RAB30: variants seen among roughly 807,000 people sequenced by gnomAD.
RAB30 encodes ras-related protein Rab-30.
RAB30 carries 9 observed loss-of-function variants against 25.1 expected under a neutral mutation model. The ratio of observed to expected loss-of-function variants is 0.36; its 90% CI spans 0.22 to 0.63. The LOEUF (loss-of-function observed/expected upper bound fraction) is 0.63. RAB30 is among the 20% of genes least tolerant of loss of function. The pLI, the probability that RAB30 is intolerant of heterozygous loss-of-function variation, is 0.69. For synonymous variants in RAB30, 77 were observed against 86.4 expected (o/e 0.89, Z 0.60); for missense variants, 140 against 243.5 (o/e 0.58, Z 2.83).
intron 2 of RAB30, among the ~76,000 whole-genome samples, chr11:82,994,688 G>A (rs567640740): frequency 1.8e-4 from 27 of 152,320 alleles, no homozygotes; most frequent in African/African-American, 6.5e-4. Flanking sequence ...TGGATCTCCT[G>A]AAGCTTCTGA....
At chr11:82,989,968 A>T (rs561972280) in intron 3 of RAB30, among the ~76,000 whole-genome samples, 1 of 152,378 alleles carries the variant, frequency 6.6e-6, no homozygotes, top group African/African-American at 2.4e-5. Flanking sequence ...AATAAAATCA[A>T]CGCTGATTTC....
intron 1 of RAB30, among the ~76,000 whole-genome samples, chr11:83,059,733 T>C (rs779222009): frequency 1.3e-5 from 2 of 152,314 alleles, no homozygotes; most frequent in Non-Finnish European, 1.5e-5. Flanking sequence ...CTCGCCTACT[T>C]TATCAGATTG....
At chr11:83,006,086 C>A (rs1197496574) in intron 1 of RAB30, among the ~76,000 whole-genome samples, 1 of 152,070 alleles carries the variant, frequency 6.6e-6, no homozygotes, top group Non-Finnish European at 1.5e-5. Context: ...TTATCCTGTA[C>A]TGGTGACACT....
Position 82,982,017 on chromosome 11 carries a change from C to T in RAB30, c.*148G>A, listed in dbSNP as rs1347171936. ...TGCTAATGCTGGCCTGTGGTCGAGG[C>T]CCTTGGCCTGCCATGCTTTGTAAGC... is the stretch of plus-strand genomic sequence containing the variant. On this transcript the variant is annotated 3_prime_UTR_variant, in exon 5 of 5. Transcript: ENST00000527633. The T allele has an allele frequency of 2.8e-6, 3 of 1,065,468 alleles. No homozygotes were observed. The East Asian group carries it at 7.2e-5, about 25-fold the overall frequency. The allele number at this position is 1,065,468 out of a possible 1,614,324, so 66.0% of individuals were successfully genotyped here. A position where few individuals can be genotyped will look rare whatever the true frequency, so the allele number is the denominator to read the frequency against.
intron 1 of RAB30, among the ~76,000 whole-genome samples, chr11:83,059,014 C>T (rs1413548363): frequency 6.6e-6 from 1 of 152,232 alleles, no homozygotes; most frequent in African/African-American, 2.4e-5. Flanking sequence ...ACGATCTTGG[C>T]TCACTGCAAC....
At chr11:82,991,849 G>A (rs1856857414) in intron 3 of RAB30, among the ~76,000 whole-genome samples, 1 of 152,196 alleles carries the variant, frequency 6.6e-6, no homozygotes, top group African/African-American at 2.4e-5. Flanking sequence ...TGGCCTTATG[G>A]TGGAGTCAGA....
chr11:83,015,374 G>T (rs1334996836), intron 1 of RAB30, among the ~76,000 whole-genome samples: 2 of 152,026 alleles, frequency 1.3e-5, no homozygotes, highest in Non-Finnish European at 2.9e-5. Context: ...GAAAGAGGAT[G>T]GGAAAGAAAG....
chr11:83,037,633 G>A (rs1858014827), intron 1 of RAB30, among the ~76,000 whole-genome samples: 1 of 152,148 alleles, frequency 6.6e-6, no homozygotes, highest in African/African-American at 2.4e-5. Flanking sequence ...TGGGTTTCTA[G>A]CTTGAACAAC....
At chr11:82,992,658 G>T (rs1486528747) in intron 3 of RAB30, among the ~76,000 whole-genome samples, 18 of 151,648 alleles carry the variant, frequency 1.2e-4, no homozygotes, top group African/African-American at 4.1e-4. Context: ...GCTGCTGATA[G>T]CTGGGCTATC....
intron 1 of RAB30, among the ~76,000 whole-genome samples, chr11:83,055,004 C>G (rs1180345514): frequency 6.6e-6 from 1 of 152,166 alleles, no homozygotes; most frequent in Non-Finnish European, 1.5e-5. Flanking sequence ...ACCTGGCACT[C>G]ACCTGCAAGA....
At position 83,018,470 on chromosome 11, in the gene RAB30, T is replaced by C. The variant is rs192876653; in HGVS notation, c.-8-21146A>G. 6.2e-4 allele frequency among the ~76,000 whole-genome samples: 95 copies of C among 152,352 alleles called. 1 individual carries two copies. The highest frequency in any genetic ancestry group is 2.2e-3 in the African/African-American group (93 of 41,576). On this transcript the variant is annotated intron_variant, in intron 1 of 4. Transcript: ENST00000527633. ...ATGTTGAGCACTTTTTCATGTTTAT[T>C]GACCATTTGTATATCTTCTTCTGAG... is the stretch of plus-strand genomic sequence containing the variant.
rs11233392 is a variant in RAB30 at position 82,976,775 on chromosome 11, C to G, written c.*5390G>C. The G allele has an allele frequency of 0.044, 6,758 of 152,210 alleles. 203 individuals are homozygous for G. Among genetic ancestry groups the G allele is most frequent in the East Asian group, 0.1 (536 of 5,176 alleles). 9.4% of individuals were successfully genotyped at this position (152,210 alleles called of 1,614,324 possible). A position where few individuals can be genotyped will look rare whatever the true frequency, so the allele number is the denominator to read the frequency against. The stretch of plus-strand genomic sequence containing the variant: ...AATGAAGAGCCGTCTATCAGCCTTG[C>G]AAGGGTGAAAGTTATTTTGCAGGTG... On this transcript the variant is annotated 3_prime_UTR_variant, in exon 5 of 5. Coordinates refer to ENST00000527633, the MANE Select transcript of RAB30 (RefSeq NM_001286060.2).
At chr11:83,036,960 C>T (rs1857999705) in intron 1 of RAB30, among the ~76,000 whole-genome samples, 1 of 152,122 alleles carries the variant, frequency 6.6e-6, no homozygotes, top group Admixed American at 6.5e-5. Flanking sequence ...GAATTTTGTC[C>T]AAAGGGCAAT....
intron 1 of RAB30, among the ~76,000 whole-genome samples, chr11:83,069,097 T>G (rs144448299): frequency 6.6e-6 from 1 of 152,280 alleles, no homozygotes; most frequent in Non-Finnish European, 1.5e-5. Flanking sequence ...AGGATCATTA[T>G]CCCTTTGCAA....
rs945186061 is a variant in RAB30 at position 82,978,654 on chromosome 11, G to A, written c.*3511C>T. On this transcript the variant is annotated 3_prime_UTR_variant, in exon 5 of 5. Transcript: ENST00000527633. ...ACTGAAACTTGGTGTGGGATCTGGTGGAATTATGGGCTAGCTTAAAGGGTA... is the reference window on the plus strand; with the variant it reads ...ACTGAAACTTGGTGTGGGATCTGGTAGAATTATGGGCTAGCTTAAAGGGTA... 6.6e-6 allele frequency: 1 copy of A among 152,132 alleles called. No homozygotes were observed. The highest frequency in any genetic ancestry group is 2.4e-5 in the African/African-American group (1 of 41,418). 9.4% of individuals were successfully genotyped at this position (152,132 alleles called of 1,614,324 possible).
chr11:83,045,368 C>T (rs1303663491), intron 1 of RAB30, among the ~76,000 whole-genome samples: 1 of 152,050 alleles, frequency 6.6e-6, no homozygotes, highest in Non-Finnish European at 1.5e-5. Flanking sequence ...TGAGCTAAAA[C>T]GACCCTCCTG....
At chr11:83,041,812 G>A (rs1029381277) in intron 1 of RAB30, among the ~76,000 whole-genome samples, 1 of 152,034 alleles carries the variant, frequency 6.6e-6, no homozygotes, top group African/African-American at 2.4e-5. Flanking sequence ...GGCTGAGCTG[G>A]GTAGATTTCA....
intron 1 of RAB30, among the ~76,000 whole-genome samples, chr11:83,049,615 G>A (rs1858313961): frequency 6.6e-6 from 1 of 151,706 alleles, no homozygotes; most frequent in Admixed American, 6.6e-5. Context: ...CAAGTAGCTG[G>A]GACTACAAGG....
intron 1 of RAB30, among the ~76,000 whole-genome samples, chr11:83,067,925 A>G (rs1858743208): frequency 6.6e-6 from 1 of 151,934 alleles, no homozygotes; most frequent in Admixed American, 6.6e-5. Flanking sequence ...CAGGAGTTTG[A>G]GAGATCAGCC....
Sources: allele counts gnomAD v4.1 joint callset (sites outside exome capture counted in the v4.1 genomes callset), GRCh38; gene constraint gnomAD v4.1.1; transcripts MANE v1.5; gene names NCBI Gene and HGNC (gene_info 2026-07-23, HGNC 2026-07-21).